Variants in ATRNL1 observed in about 807,000 individuals in gnomAD.
ATRNL1 encodes attractin-like protein 1.
Under a neutral mutation model 182.7 loss-of-function variants are expected in ATRNL1, and 95 were observed. That is an observed-to-expected ratio of 0.52 (90% CI 0.44 to 0.62). The LOEUF (loss-of-function observed/expected upper bound fraction) is 0.62, where lower values mean the gene tolerates loss of function less well. Ranked by LOEUF, ATRNL1 falls within the 20% of genes least tolerant of loss-of-function variation. The probability of loss-of-function intolerance (pLI) is 0.00; values close to 1 mark genes in which losing one functional copy is unlikely to be tolerated. For synonymous variants in ATRNL1, 576 were observed against 568.3 expected (o/e 1.01, Z -0.19); for missense variants, 1,471 against 1,679.5 (o/e 0.88, Z 2.17).
At chr10:115,853,711 C>T (rs1951108483) in intron 28 of ATRNL1, among the ~76,000 whole-genome samples, 1 of 152,142 alleles carries the variant, frequency 6.6e-6, no homozygotes, top group South Asian at 2.1e-4. Flanking sequence ...ATGTTAGTTA[C>T]CCTTTAACCT....
chr10:115,465,460 C>A (rs1848007311), intron 22 of ATRNL1, among the ~76,000 whole-genome samples: 3 of 151,590 alleles, frequency 2.0e-5, no homozygotes, highest in Admixed American at 2.0e-4. Flanking sequence ...ATTTTTCTGG[C>A]CTTCCATTGA....
At chr10:115,529,779 A>G (rs1851456077) in intron 25 of ATRNL1, among the ~76,000 whole-genome samples, 1 of 152,150 alleles carries the variant, frequency 6.6e-6, no homozygotes, top group Non-Finnish European at 1.5e-5. Flanking sequence ...CACATATAAT[A>G]CAATTCACCA....
At chr10:115,557,984 G>T (rs1554997620) in intron 26 of ATRNL1, among the ~76,000 whole-genome samples, 1 of 151,438 alleles carries the variant, frequency 6.6e-6, no homozygotes, top group African/African-American at 2.4e-5. Context: ...GGCAGAGGTT[G>T]CAGTGAGCCG....
intron 28 of ATRNL1, among the ~76,000 whole-genome samples, chr10:115,859,081 T>C (rs1198664009): frequency 3.9e-5 from 6 of 152,028 alleles, no homozygotes; most frequent in Non-Finnish European, 5.9e-5. Flanking sequence ...TTTCTTCTTA[T>C]AAGGGCACTA....
rs577634901 is a variant in ATRNL1 at position 115,133,554 on chromosome 10, C to T, written c.829+4019C>T. Among the ~76,000 whole-genome samples the T allele has an allele frequency of 2.6e-5, 4 of 152,202 alleles. No homozygotes were observed. The South Asian group carries it at 8.3e-4, about 32-fold the overall frequency. On this transcript the variant is annotated intron_variant, in intron 5 of 28. Coordinates refer to ENST00000355044, the MANE Select transcript of ATRNL1 (RefSeq NM_207303.4). ...AGCACCCAGATTCATAAAGCAAGTC[C>T]TTAGAGGCCCACAAAGAGACTTAGA...
At chr10:115,219,807 G>T (rs1849376473) in intron 9 of ATRNL1, among the ~76,000 whole-genome samples, 1 of 152,106 alleles carries the variant, frequency 6.6e-6, no homozygotes, top group Non-Finnish European at 1.5e-5. Flanking sequence ...TTGGTCTGAG[G>T]TGGAAGGATT....
At chr10:115,573,124 T>A (rs1260398643) in intron 26 of ATRNL1, among the ~76,000 whole-genome samples, 1 of 152,170 alleles carries the variant, frequency 6.6e-6, no homozygotes, top group Non-Finnish European at 1.5e-5. Context: ...TTGCCAGGCA[T>A]CTTGGAAGAA....
At chr10:115,793,352 T>TG in intron 27 of ATRNL1, among the ~76,000 whole-genome samples, 1 of 152,212 alleles carries the variant, frequency 6.6e-6, no homozygotes, top group South Asian at 2.1e-4. Context: ...TAGAAAATGA[T>TG]GGTAGGTTGC....
chr10:115,854,750 C>T (rs1389014831), intron 28 of ATRNL1, among the ~76,000 whole-genome samples: 1 of 152,200 alleles, frequency 6.6e-6, no homozygotes, highest in Non-Finnish European at 1.5e-5. Flanking sequence ...TCAAATTAGC[C>T]TGTCTTCTCT....
At chr10:115,665,042 G>A (rs549571829) in intron 26 of ATRNL1, among the ~76,000 whole-genome samples, 6 of 152,200 alleles carry the variant, frequency 3.9e-5, no homozygotes, top group African/African-American at 1.2e-4. Flanking sequence ...TGGTCATTTG[G>A]CCACTGAAAC....
Position 115,196,810 on chromosome 10 carries a change from A to G in ATRNL1, c.1349-18887A>G, listed in dbSNP as rs1848380753. ...TAATATCTGTAGCCCATTGGTCAAC[A>G]ACTTATTTTCTATATAGATGCTCAT... On this transcript the variant is annotated intron_variant, in intron 8 of 28. Transcript: ENST00000355044. 2.0e-5 allele frequency among the ~76,000 whole-genome samples: 3 copies of G among 152,118 alleles called. No individual in the cohort carries two copies. In the South Asian group the frequency reaches 6.2e-4, roughly 32 times the overall value.
intron 19 of ATRNL1, among the ~76,000 whole-genome samples, chr10:115,387,375 T>C (rs377546765): frequency 6.6e-6 from 1 of 152,230 alleles, no homozygotes; most frequent in Admixed American, 6.5e-5. Context: ...ATATTTTTCC[T>C]ACCAGCCTGA....
intron 19 of ATRNL1, among the ~76,000 whole-genome samples, chr10:115,350,642 A>G (rs1479134444): frequency 2.0e-5 from 3 of 152,052 alleles, no homozygotes; most frequent in Non-Finnish European, 4.4e-5. Context: ...TCTTTATGCC[A>G]GTATCATGCT....
intron 10 of ATRNL1, among the ~76,000 whole-genome samples, chr10:115,249,351 A>G (rs893197963): frequency 5.3e-5 from 8 of 151,954 alleles, no homozygotes; most frequent in African/African-American, 1.9e-4. Flanking sequence ...ACACACACAC[A>G]CGTTTATATA....
intron 8 of ATRNL1, among the ~76,000 whole-genome samples, chr10:115,185,067 C>G (rs1847891319): frequency 6.6e-6 from 1 of 151,860 alleles, no homozygotes; most frequent in South Asian, 2.1e-4. Context: ...ATGGGGGAGT[C>G]AAGGAAGAAT....
chr10:115,340,362 A>G (rs1855683770), intron 19 of ATRNL1, among the ~76,000 whole-genome samples: 1 of 151,816 alleles, frequency 6.6e-6, no homozygotes, highest in African/African-American at 2.4e-5. Context: ...AGGATGGTCT[A>G]GATCTCCTGA....
At chr10:115,321,971 A>G (rs1434732256) in intron 18 of ATRNL1, among the ~76,000 whole-genome samples, 2 of 152,134 alleles carry the variant, frequency 1.3e-5, no homozygotes, top group Non-Finnish European at 2.9e-5. Flanking sequence ...TACATGAACA[A>G]TGACTAGGAG....
intron 5 of ATRNL1, among the ~76,000 whole-genome samples, chr10:115,130,671 A>G (rs1845190083): frequency 6.6e-6 from 1 of 152,066 alleles, no homozygotes; most frequent in Non-Finnish European, 1.5e-5. Context: ...TCTTTTAATC[A>G]TTTATGACTT....
intron 27 of ATRNL1, among the ~76,000 whole-genome samples, chr10:115,733,085 T>C (rs1203586991): frequency 6.6e-6 from 1 of 152,216 alleles, no homozygotes; most frequent in Admixed American, 6.5e-5. Flanking sequence ...GTAGTTTTGT[T>C]ATGCTAATAA....
Sources: gnomAD v4.1 joint callset for allele counts (sites outside exome capture counted in the v4.1 genomes callset) on GRCh38, gnomAD v4.1.1 for gene constraint, MANE v1.5 for transcripts, NCBI Gene and HGNC (gene_info 2026-07-23, HGNC 2026-07-21) for gene names.